Variants in SKAP1 observed in about 807,000 individuals in gnomAD.
The protein encoded by SKAP1 is src kinase associated phosphoprotein 1.
In SKAP1, 44 loss-of-function variants were observed where a neutral mutation model predicts 58.5. That is an observed-to-expected ratio of 0.75 (90% CI 0.59 to 0.97). The LOEUF (loss-of-function observed/expected upper bound fraction) is 0.97. Among genes scored for constraint, SKAP1 ranks in the 50% least tolerant of loss-of-function variants. SKAP1 has a pLI of 0.00. For synonymous variants in SKAP1, 127 were observed against 149.7 expected, an observed-to-expected ratio of 0.85 and a Z score of 1.11; for missense variants, 390 against 435.2, an observed-to-expected ratio of 0.90 and a Z score of 0.92.
chr17:48,214,615 C>CTT (rs36055537), intron 4 of SKAP1, among the ~76,000 whole-genome samples: 146 of 144,634 alleles, frequency 1.0e-3, no homozygotes, highest in South Asian at 3.7e-3. Context: ...TCTCCAGTTC[C>CTT]TTTTTTTTTT....
At chr17:48,224,605 T>C (rs2065046352) in intron 4 of SKAP1, among the ~76,000 whole-genome samples, 1 of 152,242 alleles carries the variant, frequency 6.6e-6, no homozygotes, top group Admixed American at 6.5e-5. Flanking sequence ...AGATTCTTTC[T>C]GGAACAATGT....
chr17:48,311,178 C>T (rs571191192), intron 4 of SKAP1, among the ~76,000 whole-genome samples: 23 of 152,298 alleles, frequency 1.5e-4, no homozygotes, highest in African/African-American at 5.1e-4. Flanking sequence ...AATCGAGTGT[C>T]ACCCAACTCA....
At chr17:48,141,192 T>C (rs1367316018) in intron 11 of SKAP1, among the ~76,000 whole-genome samples, 1 of 152,034 alleles carries the variant, frequency 6.6e-6, no homozygotes, top group Admixed American at 6.6e-5. Context: ...TGCCTTAGGG[T>C]CATGTAGCTA....
chr17:48,304,444 T>C (rs2066108022), intron 4 of SKAP1, among the ~76,000 whole-genome samples: 1 of 151,872 alleles, frequency 6.6e-6, no homozygotes, highest in African/African-American at 2.4e-5. Context: ...CTGCAGGAGG[T>C]GATGTAGAAG....
chr17:48,443,473 TG>T, the SKAP1 span, among the ~76,000 whole-genome samples: 1 of 151,862 alleles, frequency 6.6e-6, no homozygotes, highest in South Asian at 2.1e-4. Flanking sequence ...TTTGTTTGTT[TG>T]TTTGTTTGTT....
chr17:48,313,144 C>T (rs56302101), intron 4 of SKAP1, among the ~76,000 whole-genome samples: 1 of 23,130 alleles, frequency 4.3e-5, no homozygotes, highest in Non-Finnish European at 7.6e-5. Context: ...GGTGGCGGGG[C>T]GGTGGGGGGG....
intron 9 of SKAP1, among the ~76,000 whole-genome samples, chr17:48,178,658 C>A (rs1270747216): frequency 6.6e-6 from 1 of 152,194 alleles, no homozygotes; most frequent in Non-Finnish European, 1.5e-5. Flanking sequence ...CTATCGAATT[C>A]TGCCAGGGAA....
chr17:48,194,126 G>C (rs1351735031), intron 4 of SKAP1, among the ~76,000 whole-genome samples: 1 of 152,088 alleles, frequency 6.6e-6, no homozygotes, highest in Non-Finnish European at 1.5e-5. Flanking sequence ...AAACCTCTCA[G>C]AACAGCCCGT....
chr17:48,198,325 G>T (rs1157341988), intron 4 of SKAP1, among the ~76,000 whole-genome samples: 2 of 151,680 alleles, frequency 1.3e-5, no homozygotes, highest in Non-Finnish European at 2.9e-5. Context: ...CGTGTTGGCG[G>T]GCGCCTGTAG....
At chr17:48,334,557 T>C (rs1355802083) in intron 4 of SKAP1, among the ~76,000 whole-genome samples, 11 of 151,840 alleles carry the variant, frequency 7.2e-5, no homozygotes. Context: ...TCCACAATTT[T>C]ATCTGTCTCA....
chr17:48,224,283 ACT>A (rs1163496888), intron 4 of SKAP1, among the ~76,000 whole-genome samples: 1 of 152,176 alleles, frequency 6.6e-6, no homozygotes, highest in Non-Finnish European at 1.5e-5. Context: ...TGTAGGACAA[ACT>A]CTGAAAGATT....
intron 7 of SKAP1, among the ~76,000 whole-genome samples, chr17:48,184,309 AT>A (rs11399337): frequency 6.6e-6 from 1 of 151,708 alleles, no homozygotes; most frequent in African/African-American, 2.4e-5. Context: ...TGGGAAAATA[AT>A]TTTTTTTCAC....
intron 1 of SKAP1, among the ~76,000 whole-genome samples, chr17:48,404,020 C>T (rs943036282): frequency 1.9e-4 from 28 of 143,788 alleles, no homozygotes; most frequent in Non-Finnish European, 7.5e-5. Context: ...ACCTGGGAGG[C>T]GGAGAGTGCA....
chr17:48,176,278 G>A (rs923553365), intron 9 of SKAP1, among the ~76,000 whole-genome samples: 2 of 152,074 alleles, frequency 1.3e-5, no homozygotes, highest in East Asian at 1.9e-4. Flanking sequence ...GCCAGATTCC[G>A]TTGCCATTGC....
intron 2 of SKAP1, among the ~76,000 whole-genome samples, chr17:48,369,463 C>T (rs1367471982): frequency 6.7e-6 from 1 of 149,276 alleles, no homozygotes; most frequent in Non-Finnish European, 1.5e-5. Context: ...TGCACTCCAG[C>T]CTGGGCAACA....
At chr17:48,269,815 C>T (rs58893737) in intron 4 of SKAP1, among the ~76,000 whole-genome samples, 22,981 of 151,986 alleles carry the variant, frequency 0.15, 2,096 homozygotes, top group East Asian at 0.45. Context: ...AAAATGAGGC[C>T]GGGTGCGGTG....
Position 48,430,103 on chromosome 17 carries a change from G to T in SKAP1, c.18C>A (p.Leu6=). The change falls in exon 1 of 13, where the codon CTC becomes CTA. Residue 6 remains leucine, a synonymous_variant. Transcript: ENST00000336915. ...CCAGGAGCCAACGGATCTCCTCAGG[G>T]AGGGCGGCGGCCTGCATTTGGCTGG... MQAAA[L]PEEIRWLLED... 1 of 1,263,788 alleles carries T rather than the reference G, an allele frequency of 7.9e-7. No individual in the cohort carries two copies. Among genetic ancestry groups the T allele is most frequent in the South Asian group, 3.8e-5 (1 of 26,290 alleles). The allele number at this position is 1,263,788 out of a possible 1,614,324, so 78.3% of individuals were successfully genotyped here.
chr17:48,354,627 T>C (rs1293751203), intron 3 of SKAP1, among the ~76,000 whole-genome samples: 1 of 152,188 alleles, frequency 6.6e-6, no homozygotes, highest in East Asian at 1.9e-4. Flanking sequence ...TTATATGTCA[T>C]ATAAATCCCC....
chr17:48,236,733 CAA>C (rs1157935550), intron 4 of SKAP1, among the ~76,000 whole-genome samples: 1 of 152,074 alleles, frequency 6.6e-6, no homozygotes, highest in Non-Finnish European at 1.5e-5. Flanking sequence ...GGATTCCAGA[CAA>C]AGAGAAAAGT....
Sources: allele counts gnomAD v4.1 joint callset (sites outside exome capture counted in the v4.1 genomes callset), GRCh38; gene constraint gnomAD v4.1.1; transcripts MANE v1.5; gene names NCBI Gene and HGNC (gene_info 2026-07-23, HGNC 2026-07-21).